Variants in C1QTNF3 observed in about 807,000 individuals in gnomAD.
The protein encoded by C1QTNF3 is complement C1q tumor necrosis factor-related protein 3.
A neutral mutation model predicts 32.6 loss-of-function variants in C1QTNF3; 26 were observed. The ratio of observed to expected loss-of-function variants is 0.80; its 90% CI spans 0.58 to 1.11. The LOEUF (loss-of-function observed/expected upper bound fraction) is 1.11. Ranked by LOEUF, C1QTNF3 falls within the 50% of genes least tolerant of loss-of-function variation. The pLI, the probability that C1QTNF3 is intolerant of heterozygous loss-of-function variation, is 0.00. For synonymous variants in C1QTNF3, 155 were observed against 146.0 expected, an observed-to-expected ratio of 1.06 and a Z score of -0.44; for missense variants, 362 against 398.2, an observed-to-expected ratio of 0.91 and a Z score of 0.77.
At chr5:34,048,676 C>G in the C1QTNF3 span, among the ~76,000 whole-genome samples, 1 of 116,088 alleles carries the variant, frequency 8.6e-6, no homozygotes, top group Non-Finnish European at 1.8e-5. Context: ...TCAGATGACA[C>G]AAAAACAGCA....
At chr5:34,050,216 G>A in the C1QTNF3 span, among the ~76,000 whole-genome samples, 12 of 152,128 alleles carry the variant, frequency 7.9e-5, no homozygotes, top group Admixed American at 7.9e-4. Context: ...GCCTTCTTTA[G>A]GGTTCCATAG....
At chr5:34,198,888 C>A in the C1QTNF3 span, among the ~76,000 whole-genome samples, 1 of 75,392 alleles carries the variant, frequency 1.3e-5, no homozygotes, top group African/African-American at 5.8e-5. Flanking sequence ...TATATACACA[C>A]ACACAGTGCA....
chr5:34,213,636 T>C, the C1QTNF3 span, among the ~76,000 whole-genome samples: 1 of 148,842 alleles, frequency 6.7e-6, no homozygotes, highest in African/African-American at 2.5e-5. Flanking sequence ...GTGACTTTGG[T>C]TTAAATGTGC....
the C1QTNF3 span, among the ~76,000 whole-genome samples, chr5:34,237,160 C>T: frequency 6.6e-6 from 1 of 152,042 alleles, no homozygotes; most frequent in African/African-American, 2.4e-5. Flanking sequence ...TAAAGGTAAG[C>T]GGAGTAATAT....
the C1QTNF3 span, among the ~76,000 whole-genome samples, chr5:34,112,008 C>T: frequency 6.6e-6 from 1 of 152,172 alleles, no homozygotes; most frequent in African/African-American, 2.4e-5. Flanking sequence ...AAGTCTGTTA[C>T]TTGTGTAAAT....
the C1QTNF3 span, among the ~76,000 whole-genome samples, chr5:34,134,971 G>A: frequency 6.6e-6 from 1 of 152,140 alleles, no homozygotes; most frequent in Admixed American, 6.6e-5. Context: ...AAATAGGAGT[G>A]GTGAGAGAGG....
At chr5:34,222,683 GGAA>G in the C1QTNF3 span, among the ~76,000 whole-genome samples, 2 of 151,746 alleles carry the variant, frequency 1.3e-5, no homozygotes, top group Non-Finnish European at 2.9e-5. Context: ...CTGTTAACGT[GGAA>G]GAAGAATGTT....
At chr5:34,130,790 T>C in the C1QTNF3 span, among the ~76,000 whole-genome samples, 1 of 152,238 alleles carries the variant, frequency 6.6e-6, no homozygotes, top group Non-Finnish European at 1.5e-5. Flanking sequence ...CCAAAATGTA[T>C]ACACACAAGG....
chr5:34,048,860 T>G, the C1QTNF3 span, among the ~76,000 whole-genome samples: 71,583 of 151,940 alleles, frequency 0.47, 17,966 homozygotes, highest in East Asian at 0.62. Flanking sequence ...TAAAACCTGA[T>G]GCACCAGTCT....
At chr5:34,030,143 G>T (rs1041956615) in intron 3 of C1QTNF3, among the ~76,000 whole-genome samples, 2 of 152,158 alleles carry the variant, frequency 1.3e-5, no homozygotes, top group Non-Finnish European at 1.5e-5. Flanking sequence ...TTCTCAGCAT[G>T]ATTTTGGATG....
At chr5:34,044,797 C>T (rs930614500), upstream of C1QTNF3, among the ~76,000 whole-genome samples, 48 of 152,192 alleles carry the variant, frequency 3.2e-4, no homozygotes, top group African/African-American at 1.1e-3. Context: ...CATCTCTGTG[C>T]TACAAGTCTA....
the C1QTNF3 span, among the ~76,000 whole-genome samples, chr5:34,181,475 C>T: frequency 1.3e-5 from 2 of 152,420 alleles, no homozygotes; most frequent in South Asian, 4.1e-4. Flanking sequence ...TTTGCCCAGG[C>T]TAGGACAACA....
the C1QTNF3 span, among the ~76,000 whole-genome samples, chr5:34,133,159 A>G: frequency 6.6e-6 from 1 of 152,182 alleles, no homozygotes. Flanking sequence ...TATCCTTTGC[A>G]TATTAGTTAC....
the C1QTNF3 span, among the ~76,000 whole-genome samples, chr5:34,194,964 C>T: frequency 4.0e-5 from 6 of 151,592 alleles, no homozygotes; most frequent in African/African-American, 1.2e-4. Context: ...AGTACAGACG[C>T]AATTTTTTTT....
At chr5:34,237,900 T>C in the C1QTNF3 span, among the ~76,000 whole-genome samples, 12 of 152,034 alleles carry the variant, frequency 7.9e-5, no homozygotes, top group African/African-American at 2.9e-4. Context: ...CCACCCCCAC[T>C]ATAGAGCACA....
chr5:34,018,794 C>A lies in C1QTNF3; in HGVS notation c.*1789G>T, dbSNP rs188720427. On this transcript the variant is annotated 3_prime_UTR_variant, in exon 6 of 6. Transcript: ENST00000382065. ...CACCATATTACATCCCTGAAGCAAG[C>A]AGAAACTCAAGTGCTTCGTTTGCAG... is the stretch of plus-strand genomic sequence containing the variant. Among the ~76,000 whole-genome samples, 2 of 152,296 alleles carry A rather than the reference C, an allele frequency of 1.3e-5. No individual in the cohort carries two copies. The highest frequency in any genetic ancestry group is 3.9e-4 in the East Asian group (2 of 5,182).
chr5:34,213,821 T>G, the C1QTNF3 span, among the ~76,000 whole-genome samples: 205 of 11,238 alleles, frequency 0.018, 27 homozygotes, highest in African/African-American at 0.038. Context: ...TTTTTTTTTT[T>G]TGTGTGTGTG....
At chr5:34,053,092 A>C in the C1QTNF3 span, among the ~76,000 whole-genome samples, 1 of 152,222 alleles carries the variant, frequency 6.6e-6, no homozygotes, top group Non-Finnish European at 1.5e-5. Flanking sequence ...AAACATCTTA[A>C]AGGAATAAAG....
chr5:34,175,145 G>C, the C1QTNF3 span, among the ~76,000 whole-genome samples: 1 of 149,918 alleles, frequency 6.7e-6, no homozygotes, highest in African/African-American at 2.4e-5. Context: ...CTGTGCTCAG[G>C]CTATCCGCCT....
Sources: allele counts gnomAD v4.1 joint callset (sites outside exome capture counted in the v4.1 genomes callset), GRCh38; gene constraint gnomAD v4.1.1; transcripts MANE v1.5; gene names NCBI Gene and HGNC (gene_info 2026-07-23, HGNC 2026-07-21).